The following KMT2E variants were observed in gnomAD, a reference collection of about 807,000 sequenced individuals.
KMT2E encodes lysine methyltransferase 2E (inactive).
Under a neutral mutation model 184.6 loss-of-function variants are expected in KMT2E, and 30 were observed. That is an observed-to-expected ratio of 0.16 (90% CI 0.12 to 0.22). The LOEUF is 0.22. Among genes scored for constraint, KMT2E ranks in the 10% least tolerant of loss-of-function variants. The pLI, the probability that KMT2E is intolerant of heterozygous loss-of-function variation, is 1.00. For synonymous variants in KMT2E, 815 were observed against 776.5 expected (o/e 1.05, Z -0.82); for missense variants, 2,023 against 2,237.4 (o/e 0.90, Z 1.93).
intron 1 of KMT2E, among the ~76,000 whole-genome samples, chr7:105,034,721 A>C (rs537615153): frequency 4.6e-5 from 7 of 152,014 alleles, no homozygotes; most frequent in Non-Finnish European, 1.0e-4. Context: ...TTGTTCTCCT[A>C]TGTAACCATA....
At chr7:105,071,600 ATATATATATTT>A (rs1797311735) in intron 6 of KMT2E, among the ~76,000 whole-genome samples, 15 of 66,136 alleles carry the variant, frequency 2.3e-4, no homozygotes, top group African/African-American at 9.7e-4. Flanking sequence ...ATATATATAT[ATATATATATTT>A]TTTTTTTTTT....
rs541976176 is a variant in KMT2E, at chr7:105,033,116, A to T, written c.-188-5010A>T. Among the ~76,000 whole-genome samples, 10 of 152,298 alleles carry T rather than the reference A, an allele frequency of 6.6e-5. No homozygotes were observed. In the East Asian group the frequency reaches 1.9e-3, roughly 29 times the overall value. Reference sequence around the variant, plus strand: ...GCAGACATCACTGTGGCATTCTCCCATTATATTTGGCTTTCTTAGTACAGC... The same window carrying T: ...GCAGACATCACTGTGGCATTCTCCCTTTATATTTGGCTTTCTTAGTACAGC... On this transcript the variant is annotated intron_variant, in intron 1 of 26. Transcript: ENST00000311117.
intron 3 of KMT2E, among the ~76,000 whole-genome samples, chr7:105,056,898 C>T (rs994689942): frequency 3.9e-5 from 6 of 152,044 alleles, no homozygotes; most frequent in African/African-American, 1.4e-4. Flanking sequence ...TATAAAAAAC[C>T]TCAAGTTCAA....
intron 3 of KMT2E, among the ~76,000 whole-genome samples, chr7:105,046,245 A>C (rs2129565750): frequency 6.6e-6 from 1 of 152,354 alleles, no homozygotes; most frequent in African/African-American, 2.4e-5. Context: ...CAAAGACAGC[A>C]ATACACATAA....
intron 2 of KMT2E, among the ~76,000 whole-genome samples, chr7:105,040,629 A>G (rs1795840216): frequency 6.6e-6 from 1 of 152,186 alleles, no homozygotes; most frequent in South Asian, 2.1e-4. Flanking sequence ...TTCTTGTGGC[A>G]TTCTAAATTC....
chr7:105,071,610 T>TATATATA (rs1797319913), intron 6 of KMT2E, among the ~76,000 whole-genome samples: 1 of 37,912 alleles, frequency 2.6e-5, no homozygotes, highest in Non-Finnish European at 4.5e-5. Flanking sequence ...ATATATATAT[T>TATATATA]TTTTTTTTTT....
chr7:105,107,818 G>A lies in KMT2E; in HGVS notation c.3361G>A (p.Val1121Met). ...TAGAGGCATGTTTATGGAAACAACT[G>A]TGTTTTGTACTTCCGAAGATGGGCT... ...DTRGMFMETT[V>M]FCTSEDGLVS... The change falls in exon 22 of 27, where the codon GTG becomes ATG. Residue 1121 changes from valine to methionine, a missense_variant. Transcript: ENST00000311117. 1 of 1,614,140 alleles carries A rather than the reference G, an allele frequency of 6.2e-7. No homozygotes were observed. Among genetic ancestry groups the A allele is most frequent in the South Asian group, 1.1e-5 (1 of 91,080 alleles).
chr7:105,076,142 TGC>T, intron 9 of KMT2E, 61 bp downstream of exon 9: 1 of 1,149,642 alleles, frequency 8.7e-7, no homozygotes, highest in Non-Finnish European at 1.3e-6. Flanking sequence ...GCTACATGCT[TGC>T]TTGACCATAT....
At chr7:105,034,312 A>G (rs1272550240) in intron 1 of KMT2E, among the ~76,000 whole-genome samples, 2 of 152,134 alleles carry the variant, frequency 1.3e-5, no homozygotes, top group Non-Finnish European at 2.9e-5. Context: ...AGCTTGCTGT[A>G]ATCTCAAACT....
In KMT2E at chr7:105,097,462, C is replaced by T. The variant is rs187618762; in HGVS notation, c.1723-3963C>T. ...GTGCAGTGGCACAATCTTGGCTCAC[C>T]GCAACCTCTGCCTCCCGGGTTCAAG... On this transcript the variant is annotated intron_variant, in intron 15 of 26. Transcript: ENST00000311117. Among the ~76,000 whole-genome samples the T allele has an allele frequency of 8.8e-3, 1,337 of 152,104 alleles. 7 individuals carry two copies. The highest frequency in any genetic ancestry group is 0.014 in the Non-Finnish European group (946 of 67,988).
At chr7:105,096,441 A>C (rs767331612) in intron 15 of KMT2E, among the ~76,000 whole-genome samples, 1 of 152,076 alleles carries the variant, frequency 6.6e-6, no homozygotes, top group Admixed American at 6.5e-5. Context: ...ACAGAAGATG[A>C]TTCAGTGTGG....
Position 105,108,923 on chromosome 7 carries a change from C to T in KMT2E, c.3469-19C>T, listed in dbSNP as rs1220210880. On this transcript the variant is annotated intron_variant, in intron 22 of 26. Coordinates refer to ENST00000311117, the MANE Select transcript of KMT2E (RefSeq NM_182931.3). ...AACAAGAATAAAAGATTTGCTTTTT[C>T]TCATCTTTCTTGCTTAAGGTTTCTC... is the stretch of plus-strand genomic sequence containing the variant. The T allele has an allele frequency of 1.3e-6, 2 of 1,568,576 alleles. No individual in the cohort carries two copies. The highest frequency in any genetic ancestry group is 2.3e-5 in the South Asian group (2 of 85,874).
chr7:105,023,402 C>CAAAAAAAAAAAAAA (rs1158885663), intron 1 of KMT2E, among the ~76,000 whole-genome samples: 2 of 55,920 alleles, frequency 3.6e-5, no homozygotes, highest in African/African-American at 7.0e-5. Context: ...GACTCTGTCT[C>CAAAAAAAAAAAAAA]AAAAAAAAAA....
intron 23 of KMT2E, 40 bp from the exon 24 acceptor site, chr7:105,110,240 G>A (rs1162557945): frequency 2.6e-6 from 4 of 1,516,228 alleles, no homozygotes; most frequent in African/African-American, 2.7e-5. Flanking sequence ...ACTAGCAGTA[G>A]TTTCTTTCAA....
At chr7:105,045,443 A>G (rs1796064378) in intron 3 of KMT2E, among the ~76,000 whole-genome samples, 1 of 152,224 alleles carries the variant, frequency 6.6e-6, no homozygotes, top group South Asian at 2.1e-4. Flanking sequence ...TTCACTAAAT[A>G]ACTCCTTCTT....
chr7:105,017,320 A>T (rs1174288754), intron 1 of KMT2E, among the ~76,000 whole-genome samples: 2 of 152,104 alleles, frequency 1.3e-5, no homozygotes, highest in African/African-American at 4.8e-5. Flanking sequence ...CCAAGTTAGA[A>T]ATTATAGGAA....
chr7:105,110,423 C>T, intron 24 of KMT2E, 54 bp from the exon 25 acceptor site: 1 of 1,614,030 alleles, frequency 6.2e-7, no homozygotes. Context: ...ACTCTGCATC[C>T]TCGTTCTTTG....
intron 3 of KMT2E, among the ~76,000 whole-genome samples, chr7:105,041,814 A>AT (rs1348613037): frequency 6.6e-6 from 1 of 152,068 alleles, no homozygotes; most frequent in Non-Finnish European, 1.5e-5. Context: ...AGTGCTTAAC[A>AT]TTTTTGCTTG....
intron 6 of KMT2E, among the ~76,000 whole-genome samples, chr7:105,068,675 A>G (rs1797155812): frequency 8.1e-6 from 1 of 122,752 alleles, no homozygotes; most frequent in Non-Finnish European, 1.6e-5. Flanking sequence ...GGGTTTCACC[A>G]TGTTGTCCAG....
Sources: gnomAD v4.1 joint callset for allele counts (sites outside exome capture counted in the v4.1 genomes callset) on GRCh38, gnomAD v4.1.1 for gene constraint, MANE v1.5 for transcripts, NCBI Gene and HGNC (gene_info 2026-07-23, HGNC 2026-07-21) for gene names.